STK25: variants seen among roughly 807,000 people sequenced by gnomAD.
STK25 encodes serine/threonine-protein kinase 25.
STK25 carries 29 observed loss-of-function variants against 53.8 expected under a neutral mutation model. The observed-to-expected ratio is 0.54, with a 90% CI of 0.40 to 0.74. STK25 has a LOEUF of 0.74. STK25 is among the 30% of genes least tolerant of loss of function. The pLI, the probability that STK25 is intolerant of heterozygous loss-of-function variation, is 0.00. For synonymous variants in STK25, 247 were observed against 238.3 expected (o/e 1.04, Z -0.33); for missense variants, 420 against 568.0 (o/e 0.74, Z 2.65).
intron 5 of STK25, chr2:241,499,768 C>A: frequency 2.1e-6 from 1 of 469,418 alleles, no homozygotes; most frequent in Non-Finnish European, 3.9e-6. Context: ...CCACCAGAAT[C>A]GTCCCCTACA....
chr2:241,508,689 G>C (rs1156659649), upstream of STK25: 1 of 985,776 alleles, frequency 1.0e-6, no homozygotes, highest in African/African-American at 1.7e-5. Context: ...TGCTGGCGTT[G>C]GACTACAAGT....
chr2:241,506,780 A>G (rs2065856547), intron 2 of STK25, among the ~76,000 whole-genome samples: 1 of 152,218 alleles, frequency 6.6e-6, no homozygotes, highest in South Asian at 2.1e-4. Flanking sequence ...AAAAATAAAA[A>G]TAAAGTAAAA....
Position 241,497,641 on chromosome 2 carries a change from G to T in STK25, c.1079C>A (p.Thr360Lys). ...CTCTCCGAAGACGGGCCGGACCAGC[G>T]TGGACAGGCACTGGGACCTCGGCTG... ...KRQPRSQCLSTLVRPVFGELK... is the reference protein window; with the variant it reads ...KRQPRSQCLSKLVRPVFGELK... Residue 360 changes from threonine (T) to lysine (K), a missense_variant, in exon 10 of 12, where the codon ACG (threonine) becomes AAG (lysine). Coordinates refer to ENST00000316586, the MANE Select transcript of STK25 (RefSeq NM_001271977.2). 1 of 1,613,518 alleles carries T rather than the reference G, an allele frequency of 6.2e-7. No homozygotes were observed. Among genetic ancestry groups the T allele is most frequent in the Non-Finnish European group, 8.5e-7 (1 of 1,180,010 alleles).
At chr2:241,498,905 C>T (rs1173551055) in intron 7 of STK25, 84 bp downstream of exon 7, 1 of 1,608,540 alleles carries the variant, frequency 6.2e-7, no homozygotes, top group Non-Finnish European at 8.5e-7. Context: ...TGGGCCTGGG[C>T]CTCCGGGCTG....
upstream of STK25, chr2:241,508,638 T>C (rs557626482): frequency 8.7e-5 from 86 of 986,662 alleles, no homozygotes; most frequent in Admixed American, 1.2e-4. Context: ...CACGGCTCTC[T>C]GGGACCCCGA....
intron 5 of STK25, 57 bp from the exon 6 acceptor site, chr2:241,499,471 G>GC: frequency 6.3e-7 from 1 of 1,576,640 alleles, no homozygotes; most frequent in Non-Finnish European, 8.6e-7. Flanking sequence ...TCCACCCCGG[G>GC]CCCCCTGAGA....
chr2:241,498,473 G>A (rs2065309374), intron 8 of STK25, 124 bp from the exon 9 acceptor site: 4 of 1,251,848 alleles, frequency 3.2e-6, no homozygotes, highest in Non-Finnish European at 3.3e-6. Context: ...AGGCCACGGG[G>A]TCCAGCTGAT....
chr2:241,492,895 G>A lies in STK25; in HGVS notation c.*2767C>T. The stretch of plus-strand genomic sequence containing the variant: ...ACTCCCACAAGGGGTCCTGGGTGCT[G>A]GTTAATGCACCTGCATTTTTCCTTT... On this transcript the variant is annotated 3_prime_UTR_variant, in exon 12 of 12. Transcript: ENST00000316586. 7.8e-7 allele frequency: 1 copy of A among 1,283,238 alleles called. No homozygotes were observed. The highest frequency in any genetic ancestry group is 1.1e-6 in the Non-Finnish European group (1 of 878,396). The allele number at this position is 1,283,238 out of a possible 1,614,324, so 79.5% of individuals were successfully genotyped here.
At chr2:241,500,986 C>G (rs2065474566) in intron 3 of STK25, 190 bp from the exon 4 acceptor site, 1 of 611,960 alleles carries the variant, frequency 1.6e-6, no homozygotes. Context: ...GCTACAGATG[C>G]TCAGAGGACA....
At chr2:241,498,149 C>T in intron 9 of STK25, 86 bp downstream of exon 9, 1 of 1,275,248 alleles carries the variant, frequency 7.8e-7, no homozygotes, top group Non-Finnish European at 1.1e-6. Flanking sequence ...GCTCCAGACA[C>T]TGGGTGGACA....
In STK25 at chr2:241,496,687, G is replaced by A; in HGVS notation, c.1105-153C>T. 2.6e-6 allele frequency: 2 copies of A among 783,472 alleles called. No individual in the cohort carries two copies. The highest frequency in any genetic ancestry group is 3.9e-6 in the Non-Finnish European group (2 of 506,734). The allele number at this position is 783,472 out of a possible 1,614,324, so 48.5% of individuals were successfully genotyped here. A position where few individuals can be genotyped will look rare whatever the true frequency, so the allele number is the denominator to read the frequency against. On this transcript the variant is annotated intron_variant, in intron 10 of 11. Transcript: ENST00000316586. The surrounding 1 kb of genome is among the most constrained non-coding windows in gnomAD (Gnocchi z 5.8). ...CTTCAGCAAGCCGGGAAGTGAGGTGGCCCAAGGAAGCCTCTGCCCCTGCCC... is the reference window on the plus strand; with the variant it reads ...CTTCAGCAAGCCGGGAAGTGAGGTGACCCAAGGAAGCCTCTGCCCCTGCCC...
Position 241,500,796 on chromosome 2 carries a change from T to C in STK25, c.262A>G (p.Ser88Gly). 1 of 1,613,584 alleles carries C rather than the reference T, an allele frequency of 6.2e-7. No individual in the cohort carries two copies. The highest frequency in any genetic ancestry group is 1.1e-5 in the South Asian group (1 of 91,042). ...TCCATGATGATCCATAGCTTGGTGC[T>C]CTGGGACCGGAGACAAACCCATCAG... ...ITRYFGSYLK[S>G]TKLWIIMEYL... Residue 88 changes from serine (S) to glycine (G), a missense_variant and splice_region_variant, in exon 4 of 12, where the codon AGC (serine) becomes GGC (glycine). Coordinates refer to ENST00000316586, the MANE Select transcript of STK25 (RefSeq NM_001271977.2).
At chr2:241,507,909 T>C in intron 2 of STK25, 97 bp downstream of exon 2, 3 of 1,301,058 alleles carry the variant, frequency 2.3e-6, no homozygotes, top group Non-Finnish European at 3.2e-6. Context: ...CTCACCCCAC[T>C]GCCCGCTCCG....
rs1446047308 is a variant in STK25 at position 241,496,707 on chromosome 2, C to T, written c.1105-173G>A. On this transcript the variant is annotated intron_variant, in intron 10 of 11. Coordinates refer to ENST00000316586, the MANE Select transcript of STK25 (RefSeq NM_001271977.2). The surrounding 1 kb of genome is among the most constrained non-coding windows in gnomAD (Gnocchi z 5.8). The stretch of plus-strand genomic sequence containing the variant: ...AGGTGGCCCAAGGAAGCCTCTGCCC[C>T]TGCCCTGCCAACGGGGACCCTAGTG... 6.6e-6 allele frequency among the ~76,000 whole-genome samples: 1 copy of T among 152,088 alleles called. No individual in the cohort carries two copies. Among genetic ancestry groups the T allele is most frequent in the Non-Finnish European group, 1.5e-5 (1 of 68,006 alleles).
At position 241,501,214 on chromosome 2, in the gene STK25, G is replaced by T. The variant is rs1465571010; in HGVS notation, c.261+264C>A. On this transcript the variant is annotated intron_variant, in intron 3 of 11. Coordinates refer to ENST00000316586, the MANE Select transcript of STK25 (RefSeq NM_001271977.2). The surrounding 1 kb of genome is among the most constrained non-coding windows in gnomAD (Gnocchi z 5.3). Reference sequence around the variant, plus strand: ...GCTCCTCACAGGCCCACTCACCACTGCCAGTAGGGGCCCCCCAGAGTGCTC... The same window carrying T: ...GCTCCTCACAGGCCCACTCACCACTTCCAGTAGGGGCCCCCCAGAGTGCTC... 1.2e-5 allele frequency: 7 copies of T among 568,600 alleles called. No individual in the cohort carries two copies. The highest frequency in any genetic ancestry group is 2.2e-5 in the Non-Finnish European group (7 of 315,418). The allele number at this position is 568,600 out of a possible 1,614,324, so 35.2% of individuals were successfully genotyped here.
At chr2:241,497,034 G>A (rs1015686252) in intron 10 of STK25, 9 of 157,922 alleles carry the variant, frequency 5.7e-5, no homozygotes, top group Non-Finnish European at 8.4e-5. Flanking sequence ...GCTGCTTCCC[G>A]CTGGGGCCTC....
At chr2:241,497,461 G>T in intron 10 of STK25, 155 bp downstream of exon 10, 1 of 731,964 alleles carries the variant, frequency 1.4e-6, no homozygotes, top group Non-Finnish European at 2.4e-6. Flanking sequence ...AGCAGATTCT[G>T]CTCCTTCCAC....
At chr2:241,498,061 G>A (rs2065279494) in intron 9 of STK25, among the ~76,000 whole-genome samples, 174 bp downstream of exon 9, 1 of 152,170 alleles carries the variant, frequency 6.6e-6, no homozygotes, top group African/African-American at 2.4e-5. Flanking sequence ...CACATGCTGG[G>A]GCTCGGGGTC....
At chr2:241,504,156 C>CTGGCT in intron 2 of STK25, 3 of 470,188 alleles carry the variant, frequency 6.4e-6, no homozygotes, top group Non-Finnish European at 1.3e-5. Flanking sequence ...CCCTGCAAGG[C>CTGGCT]TGGCTTGTCA....
Sources: allele counts gnomAD v4.1 joint callset (sites outside exome capture counted in the v4.1 genomes callset), GRCh38; gene constraint gnomAD v4.1.1; non-coding constraint Gnocchi (gnomAD v3.1); transcripts MANE v1.5; gene names NCBI Gene and HGNC (gene_info 2026-07-23, HGNC 2026-07-21).